PRKG1: variants seen among roughly 807,000 people sequenced by gnomAD.
The protein encoded by PRKG1 is cGMP-dependent protein kinase 1.
In PRKG1, 35 loss-of-function variants were observed where a neutral mutation model predicts 88.1. The ratio of observed to expected loss-of-function variants is 0.40; its 90% CI spans 0.30 to 0.53. The LOEUF (loss-of-function observed/expected upper bound fraction) is 0.53, where lower values mean the gene tolerates loss of function less well. Ranked by LOEUF, PRKG1 falls within the 20% of genes least tolerant of loss-of-function variation. The pLI is 0.59. For missense variants in PRKG1, 540 were observed against 839.8 expected (o/e 0.64, Z 4.41); for synonymous variants, 303 against 292.5 (o/e 1.04, Z -0.37).
At chr10:52,063,068 T>C (rs995070787) in intron 7 of PRKG1, among the ~76,000 whole-genome samples, 1 of 152,206 alleles carries the variant, frequency 6.6e-6, no homozygotes, top group Non-Finnish European at 1.5e-5. Flanking sequence ...CTGTGGCTGG[T>C]GGGCGCCTTC....
chr10:51,246,837 C>T (rs148779613), intron 2 of PRKG1, among the ~76,000 whole-genome samples: 92 of 152,074 alleles, frequency 6.0e-4, no homozygotes, highest in African/African-American at 2.2e-3. Context: ...CTTATTGATA[C>T]CCTGTGACCA....
intron 2 of PRKG1, among the ~76,000 whole-genome samples, chr10:51,221,960 T>A (rs112619787): frequency 6.7e-6 from 1 of 149,946 alleles, no homozygotes; most frequent in Non-Finnish European, 1.5e-5. Flanking sequence ...CTGTAACTTC[T>A]GTATCCCGGG....
chr10:51,640,520 G>C (rs181532021), intron 3 of PRKG1, among the ~76,000 whole-genome samples: 5 of 152,262 alleles, frequency 3.3e-5, no homozygotes, highest in African/African-American at 1.2e-4. Flanking sequence ...TATGTATAAA[G>C]GATTGACCAA....
At chr10:51,768,705 A>G (rs1564639358) in intron 3 of PRKG1, among the ~76,000 whole-genome samples, 1 of 152,116 alleles carries the variant, frequency 6.6e-6, no homozygotes, top group Non-Finnish European at 1.5e-5. Context: ...AAAGATGAAA[A>G]AGGAATGGGG....
At chr10:51,696,259 T>TTATTC (rs113063983) in intron 3 of PRKG1, 4 of 151,898 alleles carry the variant, frequency 2.6e-5, no homozygotes, top group African/African-American at 9.7e-5. Flanking sequence ...TAAATGCTCT[T>TTATTC]TAAAGGTTTT....
At chr10:51,255,824 A>G (rs1008755010) in intron 2 of PRKG1, among the ~76,000 whole-genome samples, 1 of 152,108 alleles carries the variant, frequency 6.6e-6, no homozygotes, top group African/African-American at 2.4e-5. Flanking sequence ...CCTGAGTCAC[A>G]TGATGGTGAA....
intron 1 of PRKG1, among the ~76,000 whole-genome samples, chr10:51,002,900 G>T (rs1842903502): frequency 6.6e-6 from 1 of 152,128 alleles, no homozygotes; most frequent in Non-Finnish European, 1.5e-5. Flanking sequence ...ATCATACTTA[G>T]ATAAACAGGC....
At chr10:51,908,257 TAG>T (rs1315138637) in intron 5 of PRKG1, 1 of 152,196 alleles carries the variant, frequency 6.6e-6, no homozygotes, top group Admixed American at 6.5e-5. Flanking sequence ...GCTGAGGAAA[TAG>T]AGATACATTG....
intron 9 of PRKG1, among the ~76,000 whole-genome samples, chr10:52,166,393 T>G (rs901904588): frequency 6.6e-6 from 1 of 151,724 alleles, no homozygotes; most frequent in Non-Finnish European, 1.5e-5. Context: ...AAGAATAAGT[T>G]TTAATAATTA....
At chr10:51,856,950 C>A (rs1294678734) in intron 4 of PRKG1, among the ~76,000 whole-genome samples, 2 of 136,486 alleles carry the variant, frequency 1.5e-5, no homozygotes, top group Non-Finnish European at 3.1e-5. Context: ...GGCGACAGAG[C>A]GAGACTCCGT....
intron 3 of PRKG1, among the ~76,000 whole-genome samples, chr10:51,605,339 C>T (rs1321450090): frequency 6.6e-6 from 1 of 152,144 alleles, no homozygotes; most frequent in Non-Finnish European, 1.5e-5. Flanking sequence ...GGCACAGGCC[C>T]GAGGGTGGGG....
chr10:51,006,247 T>G (rs1842939123), intron 1 of PRKG1, among the ~76,000 whole-genome samples: 1 of 152,222 alleles, frequency 6.6e-6, no homozygotes, highest in Admixed American at 6.5e-5. Context: ...ACATATGAAC[T>G]ATTTTGGAGA....
chr10:51,976,262 A>G (rs930746760), intron 5 of PRKG1, among the ~76,000 whole-genome samples: 1 of 152,030 alleles, frequency 6.6e-6, no homozygotes. Context: ...ACTTCTAGGT[A>G]TATATCCAAG....
intron 3 of PRKG1, among the ~76,000 whole-genome samples, chr10:51,663,345 A>G (rs995174966): frequency 6.6e-6 from 1 of 152,118 alleles, no homozygotes; most frequent in Non-Finnish European, 1.5e-5. Flanking sequence ...ACAGTTTCAC[A>G]TATGATTTTC....
chr10:51,329,226 T>C (rs1272865160), intron 2 of PRKG1, among the ~76,000 whole-genome samples: 4 of 152,218 alleles, frequency 2.6e-5, no homozygotes, highest in Non-Finnish European at 4.4e-5. Context: ...TAAATCATTT[T>C]TAGTTTATTT....
At chr10:51,940,930 A>G (rs952156508) in intron 5 of PRKG1, among the ~76,000 whole-genome samples, 2 of 151,994 alleles carry the variant, frequency 1.3e-5, no homozygotes, top group Non-Finnish European at 2.9e-5. Context: ...TTTACTTCTC[A>G]ATATCCAAGT....
At chr10:51,466,329 G>A (rs757629930) in intron 2 of PRKG1, among the ~76,000 whole-genome samples, 2 of 152,084 alleles carry the variant, frequency 1.3e-5, no homozygotes, top group African/African-American at 2.4e-5. Context: ...ACCTGTGTAA[G>A]CAAGTCTTTT....
chr10:51,201,893 C>T (rs1050221120), intron 2 of PRKG1, among the ~76,000 whole-genome samples: 2 of 152,156 alleles, frequency 1.3e-5, no homozygotes, highest in Non-Finnish European at 2.9e-5. Context: ...TGTTATAATA[C>T]CCCAAACTGA....
chr10:51,542,120 C>T (rs866135642), intron 3 of PRKG1, among the ~76,000 whole-genome samples: 3 of 151,760 alleles, frequency 2.0e-5, no homozygotes, highest in African/African-American at 4.8e-5. Context: ...TCTGACCTAC[C>T]GAGAGAATCA....
Sources: gnomAD v4.1 joint callset for allele counts (sites outside exome capture counted in the v4.1 genomes callset) on GRCh38, gnomAD v4.1.1 for gene constraint, MANE v1.5 for transcripts, NCBI Gene and HGNC (gene_info 2026-07-23, HGNC 2026-07-21) for gene names.